The following MALRD1 variants were observed in gnomAD, a reference collection of about 807,000 sequenced individuals.
The protein encoded by MALRD1 is MAM and LDL-receptor class A domain-containing protein 1.
A neutral mutation model predicts 242.1 loss-of-function variants in MALRD1; 247 were observed. The observed-to-expected ratio is 1.02, with a 90% CI of 0.92 to 1.13. The LOEUF (loss-of-function observed/expected upper bound fraction) is 1.13, where lower values mean the gene tolerates loss of function less well. Ranked by LOEUF, MALRD1 falls within the 50% of genes most tolerant of loss-of-function variation. The pLI is 0.00. For synonymous variants in MALRD1, 995 were observed against 866.6 expected (o/e 1.15, Z -2.60); for missense variants, 2,989 against 2,533.1 (o/e 1.18, Z -3.86).
intron 5 of MALRD1, among the ~76,000 whole-genome samples, chr10:19,113,810 C>CAG: frequency 6.9e-6 from 1 of 145,828 alleles, no homozygotes; most frequent in Non-Finnish European, 1.5e-5. Flanking sequence ...CACACACACA[C>CAG]ACACACACAC....
At chr10:19,563,951 C>G (rs771919641) in intron 32 of MALRD1, among the ~76,000 whole-genome samples, 51 of 152,156 alleles carry the variant, frequency 3.4e-4, no homozygotes, top group Non-Finnish European at 2.9e-5. Context: ...CCGGCACTGT[C>G]TCTCTTTTTC....
At position 19,264,704 on chromosome 10, in the gene MALRD1, C is replaced by T. The variant is rs369871039; in HGVS notation, c.3079+6933C>T. 5.4e-4 allele frequency among the ~76,000 whole-genome samples: 82 copies of T among 152,262 alleles called. 2 individuals are homozygous for T. Among genetic ancestry groups the T allele is most frequent in the African/African-American group, 2.0e-3 (82 of 41,548 alleles). Reference sequence around the variant, plus strand: ...TCCTGGCCTCGTTATCCGCCTGCCTCGGCCTCTCAAAGTGCTGGGATTACA... The same window carrying T: ...TCCTGGCCTCGTTATCCGCCTGCCTTGGCCTCTCAAAGTGCTGGGATTACA... On this transcript the variant is annotated intron_variant, in intron 19 of 39. Transcript: ENST00000454679.
At chr10:19,540,337 C>T (rs189353264) in intron 32 of MALRD1, among the ~76,000 whole-genome samples, 27 of 47,252 alleles carry the variant, frequency 5.7e-4, no homozygotes, top group Admixed American at 1.6e-3. Context: ...TGACTGTGGG[C>T]CCTCTGGGAT....
At chr10:19,307,906 G>T (rs748189706) in intron 21 of MALRD1, among the ~76,000 whole-genome samples, 4 of 151,302 alleles carry the variant, frequency 2.6e-5, no homozygotes, top group African/African-American at 4.8e-5. Flanking sequence ...AATTTTGTGG[G>T]TCCATAGTAG....
intron 33 of MALRD1, among the ~76,000 whole-genome samples, chr10:19,590,248 G>T (rs1837693681): frequency 2.0e-5 from 3 of 147,698 alleles, no homozygotes; most frequent in African/African-American, 7.5e-5. Flanking sequence ...TATTGGTGGT[G>T]ATATATATAT....
At chr10:19,440,813 T>G (rs958275177) in intron 28 of MALRD1, among the ~76,000 whole-genome samples, 7 of 152,204 alleles carry the variant, frequency 4.6e-5, no homozygotes, top group Non-Finnish European at 1.0e-4. Context: ...TACGTGTGCA[T>G]GTGTCTTTAT....
chr10:19,551,781 T>C (rs1279152001), intron 32 of MALRD1, among the ~76,000 whole-genome samples: 3 of 152,166 alleles, frequency 2.0e-5, no homozygotes, highest in African/African-American at 7.2e-5. Context: ...ATCTAGTTTA[T>C]TGAGAGTTTT....
intron 29 of MALRD1, among the ~76,000 whole-genome samples, chr10:19,461,883 C>T (rs1835963405): frequency 1.3e-5 from 2 of 152,184 alleles, no homozygotes; most frequent in African/African-American, 2.4e-5. Flanking sequence ...ACGTCCATCT[C>T]TACTTTACCG....
chr10:19,549,877 C>A (rs965787271), intron 32 of MALRD1, among the ~76,000 whole-genome samples: 1 of 152,182 alleles, frequency 6.6e-6, no homozygotes, highest in Non-Finnish European at 1.5e-5. Flanking sequence ...TAATTCCTAA[C>A]TATTACATTG....
At chr10:19,113,804 C>CACACACACACACAA (rs1836769708) in intron 5 of MALRD1, among the ~76,000 whole-genome samples, 3 of 141,354 alleles carry the variant, frequency 2.1e-5, no homozygotes, top group African/African-American at 8.3e-5. Context: ...CACACACACA[C>CACACACACACACAA]ACACACACAC....
At chr10:19,686,621 A>G (rs549840089) in intron 36 of MALRD1, among the ~76,000 whole-genome samples, 2 of 152,260 alleles carry the variant, frequency 1.3e-5, no homozygotes, top group African/African-American at 2.4e-5. Flanking sequence ...TTAGAGAGGC[A>G]GCTTAACAAC....
At chr10:19,366,960 T>C (rs1845136536) in intron 26 of MALRD1, among the ~76,000 whole-genome samples, 1 of 152,172 alleles carries the variant, frequency 6.6e-6, no homozygotes, top group Non-Finnish European at 1.5e-5. Context: ...TCTTGCATTG[T>C]GCTTCCAATT....
At chr10:19,491,294 C>A in intron 29 of MALRD1, 1 of 697,292 alleles carries the variant, frequency 1.4e-6, no homozygotes, top group South Asian at 1.5e-5. Flanking sequence ...TTTTCAGCAC[C>A]ATCAAAGTGC....
chr10:19,485,319 C>G (rs1837188158), intron 29 of MALRD1, among the ~76,000 whole-genome samples: 1 of 152,110 alleles, frequency 6.6e-6, no homozygotes, highest in Non-Finnish European at 1.5e-5. Flanking sequence ...ATTTCCACCC[C>G]TAAACTTATG....
intron 28 of MALRD1, among the ~76,000 whole-genome samples, chr10:19,442,927 AG>A (rs1216096910): frequency 6.6e-6 from 1 of 152,096 alleles, no homozygotes; most frequent in Non-Finnish European, 1.5e-5. Context: ...TGGTAGAATT[AG>A]GCTGTGAATC....
At chr10:19,712,598 A>G (rs1834180030) in intron 38 of MALRD1, among the ~76,000 whole-genome samples, 1 of 152,228 alleles carries the variant, frequency 6.6e-6, no homozygotes, top group South Asian at 2.1e-4. Context: ...GGAAATCATG[A>G]AAGCTGATAA....
intron 33 of MALRD1, among the ~76,000 whole-genome samples, chr10:19,581,193 T>A (rs965040212): frequency 2.1e-5 from 3 of 145,342 alleles, no homozygotes; most frequent in African/African-American, 5.1e-5. Flanking sequence ...TCCCTCATAG[T>A]TTTCTTGTAA....
Position 19,539,852 on chromosome 10 carries a change from T to TTTTGTGTGTGTGTGTGTGTG in MALRD1, c.5478+8502_5478+8503insTTGTGTGTGTGTGTGTGTGT, listed in dbSNP as rs1554795755. On this transcript the variant is annotated intron_variant, in intron 32 of 39. Coordinates refer to ENST00000454679, the MANE Select transcript of MALRD1 (RefSeq NM_001142308.3). ...CCAGCATGCGCCACCACACCCAGCT[T>TTTTGTGTGTGTGTGTGTGTG]TGTGCGTGTGTGTGTGTGTGTGTGT... Among the ~76,000 whole-genome samples, 21 of 64,366 alleles carry TTTTGTGTGTGTGTGTGTGTG rather than the reference T, an allele frequency of 3.3e-4. 1 individual carries two copies. The highest frequency in any genetic ancestry group is 2.4e-3 in the South Asian group (3 of 1,236). The allele number at this position is 64,366 out of a possible 152,430, so 42.2% of individuals were successfully genotyped here.
chr10:19,262,621 A>G lies in MALRD1; in HGVS notation c.3079+4850A>G, dbSNP rs189969641. On this transcript the variant is annotated intron_variant, in intron 19 of 39. Transcript: ENST00000454679. ...CAGTGAGCCAAGATCATGCTACTGC[A>G]CTCCAGCCTGCGCGACAGAGCAAGA... 7.4e-4 allele frequency among the ~76,000 whole-genome samples: 110 copies of G among 147,864 alleles called. 1 individual carries two copies. The South Asian group carries it at 0.012, about 16-fold the overall frequency.
Sources: gnomAD v4.1 joint callset for allele counts (sites outside exome capture counted in the v4.1 genomes callset) on GRCh38, gnomAD v4.1.1 for gene constraint, MANE v1.5 for transcripts, NCBI Gene and HGNC (gene_info 2026-07-23, HGNC 2026-07-21) for gene names.